The following MALRD1 variants were observed in gnomAD, a reference collection of about 807,000 sequenced individuals.
The protein encoded by MALRD1 is MAM and LDL receptor class A domain containing 1.
A neutral mutation model predicts 242.1 loss-of-function variants in MALRD1; 247 were observed. That is an observed-to-expected ratio of 1.02 (90% CI 0.92 to 1.13). MALRD1 has a LOEUF of 1.13. MALRD1 is among the 50% of genes most tolerant of loss of function. The pLI is 0.00. For missense variants in MALRD1, 2,989 were observed against 2,533.1 expected, an observed-to-expected ratio of 1.18 and a Z score of -3.86; for synonymous variants, 995 against 866.6, an observed-to-expected ratio of 1.15 and a Z score of -2.60.
intron 14 of MALRD1, among the ~76,000 whole-genome samples, chr10:19,197,208 A>G (rs1469007402): frequency 6.6e-6 from 1 of 152,072 alleles, no homozygotes; most frequent in African/African-American, 2.4e-5. Flanking sequence ...CCATGATCCA[A>G]TCTTGTCCCC....
intron 31 of MALRD1, among the ~76,000 whole-genome samples, chr10:19,507,906 A>AT: frequency 6.6e-6 from 1 of 152,246 alleles, no homozygotes; most frequent in Non-Finnish European, 1.5e-5. Context: ...ATCAGGAAAT[A>AT]TTTTTTTGAA....
At chr10:19,115,413 A>G (rs897309841) in intron 5 of MALRD1, among the ~76,000 whole-genome samples, 2 of 152,022 alleles carry the variant, frequency 1.3e-5, no homozygotes, top group African/African-American at 4.8e-5. Flanking sequence ...ATGTACCCCG[A>G]AGTTAAAATA....
intron 14 of MALRD1, among the ~76,000 whole-genome samples, chr10:19,203,273 A>G (rs1027317576): frequency 1.3e-5 from 2 of 152,186 alleles, no homozygotes; most frequent in African/African-American, 2.4e-5. Flanking sequence ...TGGGGTACAC[A>G]TTGTATTAAA....
At chr10:19,374,576 G>A (rs1223363544) in intron 26 of MALRD1, among the ~76,000 whole-genome samples, 1 of 152,124 alleles carries the variant, frequency 6.6e-6, no homozygotes, top group Non-Finnish European at 1.5e-5. Flanking sequence ...TAAATGACAT[G>A]CGTATAGTTT....
At chr10:19,623,544 A>G (rs996584545) in intron 36 of MALRD1, among the ~76,000 whole-genome samples, 2 of 152,174 alleles carry the variant, frequency 1.3e-5, no homozygotes, top group African/African-American at 4.8e-5. Context: ...ATTCAATCCC[A>G]GTTTGAAGAA....
chr10:19,070,869 G>A (rs1369439568), intron 2 of MALRD1, among the ~76,000 whole-genome samples: 2 of 104,666 alleles, frequency 1.9e-5, no homozygotes, highest in Non-Finnish European at 3.5e-5. Context: ...TTTTTTTTCC[G>A]GAGACACAGT....
At chr10:19,223,709 C>T (rs971911460) in intron 18 of MALRD1, among the ~76,000 whole-genome samples, 9 of 152,130 alleles carry the variant, frequency 5.9e-5, no homozygotes, top group Admixed American at 1.3e-4. Flanking sequence ...CCTTCCTACC[C>T]ACTGACAGGC....
chr10:19,701,557 T>G (rs73595898), intron 38 of MALRD1, among the ~76,000 whole-genome samples: 7,665 of 152,054 alleles, frequency 0.05, 552 homozygotes, highest in African/African-American at 0.16. Flanking sequence ...GACAGTCAGG[T>G]ACTGAAGCAC....
In MALRD1 at chr10:19,205,063, A is replaced by G. The variant is rs1431120854; in HGVS notation, c.2376A>G (p.Leu792=). ...TTTCGCAGCCCTTCCATTTGTCACT[A>G]GATAAAGTCAGTCTGGGCATTTATG... is the stretch of plus-strand genomic sequence containing the variant. ...GRLSQPFHLS[L]DKVSLGIYDG... The change falls in exon 17 of 40, where the codon CTA becomes CTG. Residue 792 remains leucine, a synonymous_variant. Transcript: ENST00000454679. 4 of 1,550,658 alleles carry G rather than the reference A, an allele frequency of 2.6e-6. No individual in the cohort carries two copies. Among genetic ancestry groups the G allele is most frequent in the Non-Finnish European group, 3.5e-6 (4 of 1,147,034 alleles).
At chr10:19,176,197 TAAAC>T (rs1292977436) in intron 14 of MALRD1, among the ~76,000 whole-genome samples, 1 of 152,024 alleles carries the variant, frequency 6.6e-6, no homozygotes, top group Non-Finnish European at 1.5e-5. Context: ...TATATATACT[TAAAC>T]AACATATTTA....
intron 4 of MALRD1, among the ~76,000 whole-genome samples, chr10:19,101,117 A>G (rs7069170): frequency 0.54 from 81,973 of 150,894 alleles, 22,420 homozygotes; most frequent in Middle Eastern, 0.6. Context: ...TTATCATGTA[A>G]GCTATCATTT....
intron 38 of MALRD1, among the ~76,000 whole-genome samples, chr10:19,702,865 G>A (rs1051941270): frequency 3.9e-5 from 6 of 152,084 alleles, no homozygotes; most frequent in African/African-American, 1.4e-4. Flanking sequence ...ATTAAATTTT[G>A]TACAAAGAAT....
chr10:19,719,235 T>TACATACATACAG, intron 38 of MALRD1, among the ~76,000 whole-genome samples: 1 of 116,226 alleles, frequency 8.6e-6, no homozygotes, highest in South Asian at 2.7e-4. Flanking sequence ...TATATATATA[T>TACATACATACAG]ATATATATAT....
chr10:19,222,120 C>G (rs1379299725), intron 18 of MALRD1, among the ~76,000 whole-genome samples: 1 of 151,752 alleles, frequency 6.6e-6, no homozygotes, highest in Non-Finnish European at 1.5e-5. Context: ...TTCTTGCCAG[C>G]CTCCTTCCCT....
At chr10:19,323,856 C>T in intron 21 of MALRD1, 93 bp from the exon 22 acceptor site, 1 of 1,183,716 alleles carries the variant, frequency 8.4e-7, no homozygotes, top group South Asian at 1.5e-5. Context: ...GGTGATCCAC[C>T]TGCCTCAGCC....
intron 34 of MALRD1, among the ~76,000 whole-genome samples, chr10:19,599,870 C>G (rs557478696): frequency 6.6e-6 from 1 of 152,152 alleles, no homozygotes; most frequent in African/African-American, 2.4e-5. Flanking sequence ...CTGTATTAAT[C>G]TGCTGGTGGT....
Position 19,531,258 on chromosome 10 carries a change from T to G in MALRD1, c.5385T>G (p.Ile1795Met). ...SGSKEGSVAR[I>M]TTSKSFPASL... is the part of the protein sequence containing the mutation. ...CCAAGGAAGGATCCGTTGCCAGAAT[T>G]ACTACTTCCAAATCCTTCCCAGCAA... is the stretch of plus-strand genomic sequence containing the variant. The change falls in exon 32 of 40, where the codon ATT (isoleucine) becomes ATG (methionine). Residue 1795 changes from isoleucine (I) to methionine (M), a missense_variant. Coordinates refer to ENST00000454679, the MANE Select transcript of MALRD1 (RefSeq NM_001142308.3). 1 of 1,550,494 alleles carries G rather than the reference T, an allele frequency of 6.4e-7. No homozygotes were observed.
intron 36 of MALRD1, among the ~76,000 whole-genome samples, chr10:19,666,965 C>T (rs1170668022): frequency 6.6e-6 from 1 of 152,132 alleles, no homozygotes; most frequent in African/African-American, 2.4e-5. Context: ...ATTCACTTTA[C>T]AGACACCCTA....
rs71388859 is a variant in MALRD1 at position 19,705,804 on chromosome 10, T to TGAAAAAAAAAAAAAAAA, written c.6314+13250_6314+13251insGAAAAAAAAAAAAAAAA. 3.8e-3 allele frequency among the ~76,000 whole-genome samples: 390 copies of TGAAAAAAAAAAAAAAAA among 102,674 alleles called. 18 individuals carry two copies. Among genetic ancestry groups the TGAAAAAAAAAAAAAAAA allele is most frequent in the Middle Eastern group, 5.7e-3 (1 of 174 alleles). The allele number at this position is 102,674 out of a possible 152,430, so 67.4% of individuals were successfully genotyped here. ...ACCTTGTTCTCATGTCCTGCAATAG[T>TGAAAAAAAAAAAAAAAA]AAAAAAAAAAAAAAGCCCACAAGAG... is the stretch of plus-strand genomic sequence containing the variant. On this transcript the variant is annotated intron_variant, in intron 38 of 39. Coordinates refer to ENST00000454679, the MANE Select transcript of MALRD1 (RefSeq NM_001142308.3).
Sources: gnomAD v4.1 joint callset for allele counts (sites outside exome capture counted in the v4.1 genomes callset) on GRCh38, gnomAD v4.1.1 for gene constraint, MANE v1.5 for transcripts, NCBI Gene and HGNC (gene_info 2026-07-23, HGNC 2026-07-21) for gene names.